Variants in PNPLA1 observed in about 807,000 individuals in gnomAD.
PNPLA1 encodes omega-hydroxyceramide transacylase.
PNPLA1 carries 36 observed loss-of-function variants against 51.7 expected under a neutral mutation model. The observed-to-expected ratio is 0.70, with a 90% CI of 0.53 to 0.92. The LOEUF (loss-of-function observed/expected upper bound fraction) is 0.92. Ranked by LOEUF, PNPLA1 falls within the 40% of genes least tolerant of loss-of-function variation. The probability of loss-of-function intolerance (pLI) is 0.00; values close to 1 mark genes in which losing one functional copy is unlikely to be tolerated. For missense variants in PNPLA1, 658 were observed against 682.5 expected, an observed-to-expected ratio of 0.96 and a Z score of 0.40; for synonymous variants, 293 against 280.1, an observed-to-expected ratio of 1.05 and a Z score of -0.46.
At chr6:36,306,251 C>G in intron 6 of PNPLA1, 41 bp from the exon 7 acceptor site, 6 of 1,473,722 alleles carry the variant, frequency 4.1e-6, no homozygotes, top group Non-Finnish European at 5.6e-6. Context: ...CCATATCCCC[C>G]CTCCCCATCT....
chr6:36,283,733 T>C (rs1196532619), intron 1 of PNPLA1, among the ~76,000 whole-genome samples: 2 of 152,192 alleles, frequency 1.3e-5, no homozygotes, highest in Admixed American at 6.5e-5. Context: ...AGAAGCAGGA[T>C]TGACAGAGCA....
At chr6:36,278,783 A>G (rs1215045104) in intron 1 of PNPLA1, among the ~76,000 whole-genome samples, 1 of 152,248 alleles carries the variant, frequency 6.6e-6, no homozygotes, top group Non-Finnish European at 1.5e-5. Flanking sequence ...AATTACGGTG[A>G]TGAAATAGAA....
In PNPLA1 at chr6:36,291,667, T is replaced by C. The variant is rs764076196; in HGVS notation, c.438+115T>C. On this transcript the variant is annotated intron_variant, in intron 2 of 8. Transcript: ENST00000636260. ...TCCACCTGCCTCACTTCCCTAGTCC[T>C]TCCCTTCCTTCATGCCCCCAGAGTC... 2.3e-4 allele frequency: 195 copies of C among 851,698 alleles called. 1 individual carries two copies. Among genetic ancestry groups the C allele is most frequent in the Non-Finnish European group, 3.0e-4 (167 of 547,560 alleles). 52.8% of individuals were successfully genotyped at this position (851,698 alleles called of 1,614,324 possible). A position where few individuals can be genotyped will look rare whatever the true frequency, so the allele number is the denominator to read the frequency against.
chr6:36,273,273 A>ATAAATAAATAAT (rs1295190404), intron 1 of PNPLA1, among the ~76,000 whole-genome samples: 1 of 151,404 alleles, frequency 6.6e-6, no homozygotes, highest in Non-Finnish European at 1.5e-5. Flanking sequence ...AAATAAATAA[A>ATAAATAAATAAT]TAAATAAATA....
At position 36,299,946 on chromosome 6, in the gene PNPLA1, A is replaced by G. The variant is rs1292213809; in HGVS notation, c.776-1915A>G. On this transcript the variant is annotated intron_variant, in intron 5 of 8. Coordinates refer to ENST00000636260, the MANE Select transcript of PNPLA1 (RefSeq NM_001374623.1). ...TTAGACGTTACAGAATGATACATATATAACACGGTATTCAGTCCAGTACAT... is the reference window on the plus strand; with the variant it reads ...TTAGACGTTACAGAATGATACATATGTAACACGGTATTCAGTCCAGTACAT... Among the ~76,000 whole-genome samples the G allele has an allele frequency of 2.0e-5, 3 of 152,194 alleles. 1 individual carries two copies. Among genetic ancestry groups the G allele is most frequent in the Non-Finnish European group, 4.4e-5 (3 of 68,040 alleles).
At position 36,257,793 on chromosome 6, in the gene PNPLA1, T is replaced by G. The variant is rs532921421; in HGVS notation, c.-81+14532T>G. Among the ~76,000 whole-genome samples the G allele has an allele frequency of 6.6e-5, 10 of 152,328 alleles. No homozygotes were observed. In the South Asian group the frequency reaches 2.1e-3, roughly 32 times the overall value. ...TTTTTCTCTTTTGTATGGGTCACAT[T>G]TTCCTGCTTCTAATGTCAAGCATCT... On this transcript the variant is annotated intron_variant, in intron 1 of 7. Transcript: ENST00000312917.
intron 1 of PNPLA1, among the ~76,000 whole-genome samples, chr6:36,271,717 C>T (rs1221353063): frequency 1.3e-5 from 2 of 152,296 alleles, no homozygotes; most frequent in East Asian, 1.9e-4. Flanking sequence ...GGAGCAGCCA[C>T]GAAGCCTGCG....
At chr6:36,284,449 A>G (rs1484534400) in intron 1 of PNPLA1, among the ~76,000 whole-genome samples, 1 of 152,170 alleles carries the variant, frequency 6.6e-6, no homozygotes, top group Non-Finnish European at 1.5e-5. Context: ...TTTCACATAC[A>G]TTCTAGTTCT....
intron 1 of PNPLA1, among the ~76,000 whole-genome samples, chr6:36,249,794 C>T (rs1769382130): frequency 6.6e-6 from 1 of 152,220 alleles, no homozygotes; most frequent in Non-Finnish European, 1.5e-5. Flanking sequence ...AGTTGCTTAA[C>T]TACTCTGAGA....
chr6:36,296,799 C>T lies in PNPLA1; in HGVS notation c.775+1375C>T, dbSNP rs138587632. Among the ~76,000 whole-genome samples, 328 of 152,200 alleles carry T rather than the reference C, an allele frequency of 2.2e-3. 1 individual carries two copies. The highest frequency in any genetic ancestry group is 3.2e-3 in the Non-Finnish European group (221 of 68,020). ...TCCCACCCACAAGCTGTGTGACCTC[C>T]GGATAATTGCTTCCCCTCTCTAAGG... On this transcript the variant is annotated intron_variant, in intron 5 of 8. Transcript: ENST00000636260.
chr6:36,268,224 A>G (rs542601469), upstream of PNPLA1, among the ~76,000 whole-genome samples: 2 of 152,068 alleles, frequency 1.3e-5, no homozygotes, highest in Admixed American at 6.5e-5. Context: ...TCTGGGGTCT[A>G]TCTGTTCCAG....
intron 1 of PNPLA1, among the ~76,000 whole-genome samples, chr6:36,261,053 G>A (rs753512962): frequency 2.6e-5 from 4 of 152,082 alleles, no homozygotes; most frequent in South Asian, 2.1e-4. Context: ...GGCTTTGAAC[G>A]GCTGGGCTCA....
intron 1 of PNPLA1, 26 bp from the exon 2 acceptor site, chr6:36,291,294 C>A (rs74757822): frequency 1.9e-6 from 3 of 1,601,640 alleles, no homozygotes; most frequent in East Asian, 2.2e-5. Context: ...GCACCGACCA[C>A]CCCCTCTTCT....
At position 36,243,875 on chromosome 6, in the gene PNPLA1, G is replaced by A. The variant is rs146337668; in HGVS notation, c.-81+614G>A. 7.6e-4 allele frequency among the ~76,000 whole-genome samples: 115 copies of A among 152,302 alleles called. 1 individual carries two copies. The highest frequency in any genetic ancestry group is 2.6e-3 in the African/African-American group (110 of 41,554). The stretch of plus-strand genomic sequence containing the variant: ...CTGGTCTGGAGAGTGTGAAGCCAGG[G>A]CTGGCTAAACATCTACAGCAACCAT... On this transcript the variant is annotated intron_variant, in intron 1 of 7. Coordinates refer to the PNPLA1 transcript ENST00000312917.
intron 6 of PNPLA1, among the ~76,000 whole-genome samples, chr6:36,302,769 T>C (rs995574276): frequency 2.5e-4 from 33 of 131,622 alleles, no homozygotes; most frequent in African/African-American, 8.0e-4. Flanking sequence ...CCTACTAAAT[T>C]ACCAACTTTG....
chr6:36,291,592 C>CCGGGGGGGGGG, intron 2 of PNPLA1, 40 bp downstream of exon 2: 3 of 105,202 alleles, frequency 2.9e-5, no homozygotes, highest in Admixed American at 1.4e-4. Flanking sequence ...ACGGAGGGGG[C>CCGGGGGGGGGG]GGGGGAGGGC....
chr6:36,265,397 G>C (rs1582039953), upstream of PNPLA1, among the ~76,000 whole-genome samples: 1 of 151,612 alleles, frequency 6.6e-6, no homozygotes, highest in African/African-American at 2.4e-5. Flanking sequence ...GTAGGGAAGA[G>C]AAAAAAAATC....
At chr6:36,286,442 A>T (rs1038056280) in intron 1 of PNPLA1, among the ~76,000 whole-genome samples, 3 of 151,978 alleles carry the variant, frequency 2.0e-5, no homozygotes, top group African/African-American at 7.3e-5. Context: ...ACAGAGTGAG[A>T]CCCTGTTTCT....
rs921130638 is a variant in PNPLA1, at chr6:36,270,584, T to C, written c.125T>C (p.Met42Thr). Residue 42 changes from methionine to threonine, a missense_variant, in exon 1 of 9, where the codon ATG becomes ACG. Physicochemically the swap from Met to Thr is moderately conservative, Grantham distance 81 (BLOSUM62 -1). Transcript: ENST00000636260. ...VDALRDLAPR[M>T]LETAHRFAGT... ...GCCCTGCGGGACCTGGCCCCCCGGA[T>C]GCTGGAAACAGCCCACCGCTTTGCG... 8 of 1,551,486 alleles carry C rather than the reference T, an allele frequency of 5.2e-6. No homozygotes were observed. Among genetic ancestry groups the C allele is most frequent in the Non-Finnish European group, 7.0e-6 (8 of 1,146,994 alleles).
Sources: gnomAD v4.1 joint callset for allele counts (sites outside exome capture counted in the v4.1 genomes callset) on GRCh38, gnomAD v4.1.1 for gene constraint, MANE v1.5 for transcripts, NCBI Gene and HGNC (gene_info 2026-07-23, HGNC 2026-07-21) for gene names.